Variants in GRID2 observed in about 807,000 individuals in gnomAD.
GRID2 encodes the protein glutamate ionotropic receptor delta type subunit 2, also known as glutamate receptor ionotropic, delta-2.
GRID2 carries 33 observed loss-of-function variants against 114.8 expected under a neutral mutation model. The ratio of observed to expected loss-of-function variants is 0.29; its 90% CI spans 0.22 to 0.38. The LOEUF (loss-of-function observed/expected upper bound fraction) is 0.38, where lower values mean the gene tolerates loss of function less well. Ranked by LOEUF, GRID2 falls within the 10% of genes least tolerant of loss-of-function variation. The pLI is 1.00. For synonymous variants in GRID2, 505 were observed against 449.9 expected, an observed-to-expected ratio of 1.12 and a Z score of -1.55; for missense variants, 1,184 against 1,257.7, an observed-to-expected ratio of 0.94 and a Z score of 0.89.
intron 8 of GRID2, among the ~76,000 whole-genome samples, chr4:93,325,123 G>T (rs962211019): frequency 1.3e-5 from 2 of 152,062 alleles, no homozygotes; most frequent in Non-Finnish European, 2.9e-5. Context: ...TTTTAATTGT[G>T]ATGTTAGGGT....
At chr4:93,210,571 A>G (rs1312761858) in intron 5 of GRID2, among the ~76,000 whole-genome samples, 4 of 151,830 alleles carry the variant, frequency 2.6e-5, no homozygotes, top group African/African-American at 7.2e-5. Context: ...TTTTTGATAC[A>G]TGCTTTTTGA....
At chr4:93,362,675 C>T (rs74381309) in intron 8 of GRID2, among the ~76,000 whole-genome samples, 8,980 of 151,934 alleles carry the variant, frequency 0.059, 867 homozygotes, top group African/African-American at 0.2. Flanking sequence ...AGAAATTGCT[C>T]CTCTTCTCAG....
At chr4:92,354,939 C>T (rs915577618) in intron 1 of GRID2, among the ~76,000 whole-genome samples, 21 of 151,830 alleles carry the variant, frequency 1.4e-4, no homozygotes, top group Admixed American at 5.3e-4. Context: ...AGTTCTTCTG[C>T]GCAAAGTTTA....
At chr4:92,941,211 G>A (rs1239340027) in intron 2 of GRID2, among the ~76,000 whole-genome samples, 3 of 152,046 alleles carry the variant, frequency 2.0e-5, no homozygotes, top group Non-Finnish European at 2.9e-5. Flanking sequence ...ACTTTTTTTG[G>A]TTGGTAAGCT....
intron 2 of GRID2, among the ~76,000 whole-genome samples, chr4:92,644,794 T>G (rs993212411): frequency 6.6e-6 from 1 of 151,728 alleles, no homozygotes; most frequent in African/African-American, 2.4e-5. Flanking sequence ...TTCTCAAATT[T>G]ATTAGAAGAC....
At chr4:93,158,937 AT>A (rs150186063) in intron 4 of GRID2, among the ~76,000 whole-genome samples, 2,736 of 151,892 alleles carry the variant, frequency 0.018, 31 homozygotes, top group Middle Eastern at 0.054. Context: ...TAAATGTTAC[AT>A]TTAAAAACCA....
chr4:92,330,949 A>ATTTC (rs950898726), intron 1 of GRID2, among the ~76,000 whole-genome samples: 21 of 152,264 alleles, frequency 1.4e-4, no homozygotes, highest in African/African-American at 4.6e-4. Context: ...ATGCACTGGA[A>ATTTC]TTTCACTTAT....
chr4:92,712,455 G>A (rs1735303837), intron 2 of GRID2, among the ~76,000 whole-genome samples: 2 of 152,044 alleles, frequency 1.3e-5, no homozygotes, highest in African/African-American at 4.8e-5. Flanking sequence ...TGATGCCATA[G>A]CAACACTCCA....
At chr4:93,311,711 T>A (rs1274424295) in intron 8 of GRID2, among the ~76,000 whole-genome samples, 1 of 152,086 alleles carries the variant, frequency 6.6e-6, no homozygotes, top group Non-Finnish European at 1.5e-5. Context: ...TGGTTAGAAA[T>A]GTATGAGGAT....
intron 1 of GRID2, among the ~76,000 whole-genome samples, chr4:92,546,198 T>G (rs1726250979): frequency 1.3e-5 from 2 of 152,178 alleles, no homozygotes; most frequent in African/African-American, 4.8e-5. Flanking sequence ...GAAGTCTCTT[T>G]GATTAATATA....
intron 1 of GRID2, among the ~76,000 whole-genome samples, chr4:92,353,887 C>G (rs1728191081): frequency 6.6e-6 from 1 of 152,020 alleles, no homozygotes; most frequent in Admixed American, 6.6e-5. Context: ...AGAAAATTCC[C>G]TCTCAGATTT....
At chr4:93,456,687 GTC>G (rs1297254806) in intron 11 of GRID2, among the ~76,000 whole-genome samples, 1 of 151,994 alleles carries the variant, frequency 6.6e-6, no homozygotes, top group Non-Finnish European at 1.5e-5. Flanking sequence ...AAAATTGATA[GTC>G]TCTTGCAAGC....
intron 12 of GRID2, among the ~76,000 whole-genome samples, chr4:93,505,719 A>G (rs1728565160): frequency 6.6e-6 from 1 of 150,780 alleles, no homozygotes; most frequent in Non-Finnish European, 1.5e-5. Context: ...ATTAATATAT[A>G]CCAAATATTT....
At chr4:92,397,327 ACT>A (rs1470424650) in intron 1 of GRID2, among the ~76,000 whole-genome samples, 5 of 144,560 alleles carry the variant, frequency 3.5e-5, no homozygotes, top group South Asian at 2.2e-4. Context: ...TTATAATAAA[ACT>A]CTGTGTGTTT....
At chr4:93,019,098 C>A (rs1723035023) in intron 2 of GRID2, among the ~76,000 whole-genome samples, 1 of 152,008 alleles carries the variant, frequency 6.6e-6, no homozygotes, top group South Asian at 2.1e-4. Flanking sequence ...TAATGAAATT[C>A]TTTATATTCA....
At chr4:93,104,480 C>A (rs2149343928) in intron 3 of GRID2, among the ~76,000 whole-genome samples, 2 of 151,894 alleles carry the variant, frequency 1.3e-5, no homozygotes, top group African/African-American at 2.4e-5. Flanking sequence ...ACAACAGTCC[C>A]CAGAGTGTGA....
chr4:92,811,000 C>A (rs754664585), intron 2 of GRID2, among the ~76,000 whole-genome samples: 11 of 152,072 alleles, frequency 7.2e-5, no homozygotes, highest in Admixed American at 4.6e-4. Context: ...CCAGGTTGGT[C>A]TCAAACTCCT....
At chr4:92,904,698 A>T (rs970690834) in intron 2 of GRID2, among the ~76,000 whole-genome samples, 2 of 152,038 alleles carry the variant, frequency 1.3e-5, no homozygotes, top group African/African-American at 4.8e-5. Flanking sequence ...TTCAAGGGCC[A>T]AACAAATTAA....
chr4:93,354,792 T>TTA (rs1174734938), intron 8 of GRID2, among the ~76,000 whole-genome samples: 5 of 122,848 alleles, frequency 4.1e-5, no homozygotes, highest in East Asian at 2.2e-4. Flanking sequence ...ATATGAAGAT[T>TTA]TATATATATA....
Sources: gnomAD v4.1 joint callset for allele counts (sites outside exome capture counted in the v4.1 genomes callset) on GRCh38, gnomAD v4.1.1 for gene constraint, MANE v1.5 for transcripts, NCBI Gene and HGNC (gene_info 2026-07-23, HGNC 2026-07-21) for gene names.